The following NCKAP5 variants were observed in gnomAD, a reference collection of about 807,000 sequenced individuals.
NCKAP5 encodes the protein nck-associated protein 5.
In NCKAP5, 92 loss-of-function variants were observed where a neutral mutation model predicts 167.0. The observed-to-expected ratio is 0.55, with a 90% CI of 0.47 to 0.66. NCKAP5 has a LOEUF of 0.66. Ranked by LOEUF, NCKAP5 falls within the 30% of genes least tolerant of loss-of-function variation. The probability of loss-of-function intolerance (pLI) is 0.00; values close to 1 mark genes in which losing one functional copy is unlikely to be tolerated. For synonymous variants in NCKAP5, 891 were observed against 877.4 expected, an observed-to-expected ratio of 1.02 and a Z score of -0.27; for missense variants, 2,378 against 2,315.0, an observed-to-expected ratio of 1.03 and a Z score of -0.56.
intron 2 of NCKAP5, among the ~76,000 whole-genome samples, chr2:133,518,795 A>T (rs1214740954): frequency 6.6e-6 from 1 of 152,194 alleles, no homozygotes; most frequent in Non-Finnish European, 1.5e-5. Context: ...CATAAATTAC[A>T]ACTCATATGT....
chr2:133,124,665 C>T (rs2082346990), intron 6 of NCKAP5, among the ~76,000 whole-genome samples: 1 of 152,186 alleles, frequency 6.6e-6, no homozygotes, highest in African/African-American at 2.4e-5. Flanking sequence ...CGTAAGACTT[C>T]TCTATCTAAA....
rs142171940 is a variant in NCKAP5, at chr2:132,976,457, G to A, written c.430-12588C>T. 2.0e-3 allele frequency among the ~76,000 whole-genome samples: 302 copies of A among 151,672 alleles called. 2 individuals carry two copies. The highest frequency in any genetic ancestry group is 6.8e-3 in the African/African-American group (282 of 41,302). ...CACACACCTGTAATCCCAGCTACTCGGGAGGCTGAAGCAGGAGAATTGCTT... is the reference window on the plus strand; with the variant it reads ...CACACACCTGTAATCCCAGCTACTCAGGAGGCTGAAGCAGGAGAATTGCTT... On this transcript the variant is annotated intron_variant, in intron 7 of 19. Coordinates refer to ENST00000409261, the MANE Select transcript of NCKAP5 (RefSeq NM_207363.3).
chr2:133,589,839 G>T, the NCKAP5 span, among the ~76,000 whole-genome samples: 6 of 152,262 alleles, frequency 3.9e-5, no homozygotes, highest in African/African-American at 1.4e-4. Flanking sequence ...AAGATGTTTC[G>T]ATGAAAAGAA....
At chr2:133,230,405 A>C (rs2087090140) in intron 4 of NCKAP5, among the ~76,000 whole-genome samples, 1 of 152,326 alleles carries the variant, frequency 6.6e-6, no homozygotes, top group Non-Finnish European at 1.5e-5. Context: ...CATGTAGATA[A>C]GAAACAAAGT....
At chr2:133,527,158 G>C (rs1684992034) in intron 2 of NCKAP5, 1 of 152,056 alleles carries the variant, frequency 6.6e-6, no homozygotes, top group Admixed American at 6.5e-5. Context: ...CAGTTGGGTA[G>C]AATATGCTCT....
the NCKAP5 span, among the ~76,000 whole-genome samples, chr2:133,660,148 A>T: frequency 6.6e-6 from 1 of 152,166 alleles, no homozygotes; most frequent in Non-Finnish European, 1.5e-5. Flanking sequence ...CTCACCTGTC[A>T]TCACTGTATT....
chr2:133,107,605 G>C (rs1055975709), intron 6 of NCKAP5, among the ~76,000 whole-genome samples: 3 of 152,146 alleles, frequency 2.0e-5, no homozygotes, highest in South Asian at 4.2e-4. Context: ...AGCCATGCTA[G>C]CCAGCCCATG....
chr2:133,013,478 G>C (rs2078229252), intron 6 of NCKAP5, among the ~76,000 whole-genome samples: 1 of 152,216 alleles, frequency 6.6e-6, no homozygotes, highest in Non-Finnish European at 1.5e-5. Flanking sequence ...CAAAGGGAGA[G>C]AGCTTGTGCA....
In NCKAP5 at chr2:132,782,896, G is replaced by A. The variant is rs192389025; in HGVS notation, c.3915C>T (p.Thr1305=). The A allele has an allele frequency of 2.9e-4, 474 of 1,613,964 alleles. 1 individual carries two copies. In the African/African-American group the frequency reaches 5.8e-3, roughly 20 times the overall value. Residue 1305 remains threonine, a synonymous_variant, in exon 14 of 20, where the codon ACC becomes ACT. Transcript: ENST00000409261. The part of the protein sequence containing the change: ...GKVRTQIITN[T]AERGNSLTRQ... ...GGGTAAGAGAATTGCCTCTCTCGGC[G>A]GTATTGGTAATGATCTGAGTGCGGA...
chr2:132,989,523 A>T (rs1008155204), intron 7 of NCKAP5, among the ~76,000 whole-genome samples: 1 of 152,066 alleles, frequency 6.6e-6, no homozygotes, highest in Non-Finnish European at 1.5e-5. Flanking sequence ...AAATGAGTCT[A>T]TCCTAGGGGC....
At chr2:133,308,079 ATTTTTTTTTTTTT>A (rs60111877) in intron 3 of NCKAP5, among the ~76,000 whole-genome samples, 1 of 89,396 alleles carries the variant, frequency 1.1e-5, no homozygotes, top group Non-Finnish European at 2.2e-5. Flanking sequence ...TTATTGTTCT[ATTTTTTTTTTTTT>A]TTTTTTTTTT....
chr2:133,513,503 G>A (rs1683676929), intron 3 of NCKAP5, among the ~76,000 whole-genome samples: 1 of 152,224 alleles, frequency 6.6e-6, no homozygotes, highest in Non-Finnish European at 1.5e-5. Context: ...AGGAAAAAGA[G>A]TGGATCTGGA....
Position 133,413,720 on chromosome 2 carries a change from C to T in NCKAP5, c.69+103738G>A, listed in dbSNP as rs112213065. Among the ~76,000 whole-genome samples, 1,197 of 152,306 alleles carry T rather than the reference C, an allele frequency of 7.9e-3. 9 individuals are homozygous for T. The highest frequency in any genetic ancestry group is 0.013 in the Non-Finnish European group (914 of 68,036). The stretch of plus-strand genomic sequence containing the variant: ...AAGATCCGGCAACACCAGGCCCACC[C>T]TGTGTTCCCACAATAACATGTTCTC... On this transcript the variant is annotated intron_variant, in intron 3 of 19. Transcript: ENST00000409261.
At chr2:133,374,740 T>C (rs1686028519) in intron 3 of NCKAP5, among the ~76,000 whole-genome samples, 1 of 152,154 alleles carries the variant, frequency 6.6e-6, no homozygotes, top group Non-Finnish European at 1.5e-5. Context: ...CAAAAATGTC[T>C]ACTAAAAACA....
chr2:133,433,913 C>T (rs998289860), intron 3 of NCKAP5: 10 of 152,074 alleles, frequency 6.6e-5, no homozygotes, highest in African/African-American at 9.7e-5. Flanking sequence ...GGCTCAAGGA[C>T]GTTTGGTTTT....
chr2:133,087,647 C>T (rs1051937635), intron 6 of NCKAP5, among the ~76,000 whole-genome samples: 4 of 152,166 alleles, frequency 2.6e-5, no homozygotes, highest in African/African-American at 9.6e-5. Flanking sequence ...GGGCTTGATG[C>T]ACATCTCTAC....
intron 3 of NCKAP5, among the ~76,000 whole-genome samples, chr2:133,453,893 A>G (rs1691693173): frequency 6.6e-6 from 1 of 152,048 alleles, no homozygotes; most frequent in Admixed American, 6.6e-5. Context: ...CAGGAGAAAG[A>G]GTCCAGTTTT....
At chr2:133,054,760 T>C (rs16846451) in intron 6 of NCKAP5, among the ~76,000 whole-genome samples, 1,786 of 152,220 alleles carry the variant, frequency 0.012, 33 homozygotes, top group African/African-American at 0.041. Flanking sequence ...CCCACTCTTA[T>C]CAAATCCAGT....
At chr2:132,959,230 A>T (rs1052261672) in intron 8 of NCKAP5, among the ~76,000 whole-genome samples, 1 of 152,168 alleles carries the variant, frequency 6.6e-6, no homozygotes, top group South Asian at 2.1e-4. Context: ...TATGCACAGC[A>T]CTGTAATTGT....
Sources: gnomAD v4.1 joint callset for allele counts (sites outside exome capture counted in the v4.1 genomes callset) on GRCh38, gnomAD v4.1.1 for gene constraint, MANE v1.5 for transcripts, NCBI Gene and HGNC (gene_info 2026-07-23, HGNC 2026-07-21) for gene names.